Variants in FAM135B observed in about 807,000 individuals in gnomAD.
FAM135B encodes the protein protein FAM135B.
FAM135B carries 43 observed loss-of-function variants against 127.7 expected under a neutral mutation model. The observed-to-expected ratio is 0.34, with a 90% CI of 0.26 to 0.43. The LOEUF is 0.43. Among genes scored for constraint, FAM135B ranks in the 20% least tolerant of loss-of-function variants. The probability of loss-of-function intolerance (pLI) is 1.00; values close to 1 mark genes in which losing one functional copy is unlikely to be tolerated. For synonymous variants in FAM135B, 670 were observed against 665.1 expected (o/e 1.01, Z -0.11); for missense variants, 1,558 against 1,725.6 (o/e 0.90, Z 1.72).
chr8:138,204,146 T>G (rs1817375184), intron 7 of FAM135B, among the ~76,000 whole-genome samples: 1 of 152,226 alleles, frequency 6.6e-6, no homozygotes, highest in Non-Finnish European at 1.5e-5. Flanking sequence ...GTTTGGGGAC[T>G]GCTGCCTTAA....
At chr8:138,266,852 T>C (rs1392530431) in intron 3 of FAM135B, among the ~76,000 whole-genome samples, 1 of 151,902 alleles carries the variant, frequency 6.6e-6, no homozygotes, top group Non-Finnish European at 1.5e-5. Flanking sequence ...AAGTAAATAA[T>C]ACTAATATTT....
intron 3 of FAM135B, among the ~76,000 whole-genome samples, chr8:138,293,540 CAAACAAA>C (rs1825268666): frequency 6.6e-6 from 1 of 151,804 alleles, no homozygotes; most frequent in Non-Finnish European, 1.5e-5. Context: ...ACAAGGAGCT[CAAACAAA>C]TTAGTGAGAA....
At chr8:138,484,372 T>G (rs1013098825) in intron 1 of FAM135B, among the ~76,000 whole-genome samples, 1 of 152,218 alleles carries the variant, frequency 6.6e-6, no homozygotes, top group Non-Finnish European at 1.5e-5. Flanking sequence ...TTTACTTTCA[T>G]GATTTATAGC....
intron 2 of FAM135B, among the ~76,000 whole-genome samples, chr8:138,342,355 T>A (rs1431392952): frequency 6.6e-6 from 1 of 152,178 alleles, no homozygotes; most frequent in Non-Finnish European, 1.5e-5. Context: ...CAGAACCTCC[T>A]CATCTCCCCA....
intron 1 of FAM135B, among the ~76,000 whole-genome samples, chr8:138,369,460 G>C (rs10505703): frequency 0.032 from 4,860 of 152,260 alleles, 154 homozygotes; most frequent in East Asian, 0.17. Context: ...CTGCATCTCA[G>C]CTCAGGCAAA....
chr8:138,182,551 G>T (rs989882982), intron 9 of FAM135B, among the ~76,000 whole-genome samples: 1 of 152,186 alleles, frequency 6.6e-6, no homozygotes, highest in East Asian at 1.9e-4. Context: ...GAGCTCTGGG[G>T]AGCCAAACAT....
intron 2 of FAM135B, among the ~76,000 whole-genome samples, chr8:138,366,051 C>A (rs1054608584): frequency 2.0e-5 from 3 of 152,012 alleles, no homozygotes; most frequent in Admixed American, 2.0e-4. Context: ...GGGGAGAATG[C>A]AGCCCACTTT....
intron 11 of FAM135B, among the ~76,000 whole-genome samples, chr8:138,174,322 G>A (rs990967660): frequency 6.6e-6 from 1 of 152,116 alleles, no homozygotes; most frequent in African/African-American, 2.4e-5. Context: ...TTGGGAGTGC[G>A]CTGCTGCCTT....
At chr8:138,369,124 A>C (rs1830955065) in intron 1 of FAM135B, among the ~76,000 whole-genome samples, 1 of 152,204 alleles carries the variant, frequency 6.6e-6, no homozygotes, top group Non-Finnish European at 1.5e-5. Flanking sequence ...GGATAATGCA[A>C]GATACTGAGT....
intron 1 of FAM135B, among the ~76,000 whole-genome samples, chr8:138,462,420 T>C (rs1282355715): frequency 6.6e-6 from 1 of 152,176 alleles, no homozygotes; most frequent in African/African-American, 2.4e-5. Context: ...CTGCTATGAA[T>C]GAAGTCAACT....
intron 3 of FAM135B, among the ~76,000 whole-genome samples, chr8:138,286,224 G>A (rs2130770978): frequency 6.6e-6 from 1 of 152,290 alleles, no homozygotes; most frequent in African/African-American, 2.4e-5. Flanking sequence ...GGATAGATAC[G>A]AGAACAGACT....
intron 3 of FAM135B, among the ~76,000 whole-genome samples, chr8:138,283,638 C>A (rs1824446996): frequency 6.6e-6 from 1 of 151,928 alleles, no homozygotes; most frequent in Non-Finnish European, 1.5e-5. Context: ...ACCAATGTAA[C>A]AAATGTTCCG....
chr8:138,310,494 A>G (rs754483927), intron 3 of FAM135B, among the ~76,000 whole-genome samples: 32 of 152,006 alleles, frequency 2.1e-4, no homozygotes, highest in Non-Finnish European at 4.1e-4. Context: ...TACCTAGTTG[A>G]TTCCCAGGTT....
At chr8:138,220,707 C>A (rs150176982) in intron 7 of FAM135B, among the ~76,000 whole-genome samples, 13 of 152,120 alleles carry the variant, frequency 8.5e-5, no homozygotes, top group African/African-American at 3.1e-4. Context: ...CACTTCTATA[C>A]CACAAGAACT....
chr8:138,474,561 A>G (rs901199380), intron 1 of FAM135B, among the ~76,000 whole-genome samples: 2 of 152,124 alleles, frequency 1.3e-5, no homozygotes, highest in Admixed American at 1.3e-4. Flanking sequence ...TGAAGTTGTC[A>G]TCCTGAGAAT....
chr8:138,263,688 T>C (rs545983145), intron 4 of FAM135B, among the ~76,000 whole-genome samples: 2 of 152,108 alleles, frequency 1.3e-5, no homozygotes, highest in Admixed American at 6.5e-5. Flanking sequence ...CTGGACATGA[T>C]ATAGAGAGTC....
intron 1 of FAM135B, among the ~76,000 whole-genome samples, chr8:138,466,182 G>A (rs190873815): frequency 6.6e-6 from 1 of 152,194 alleles, no homozygotes; most frequent in Non-Finnish European, 1.5e-5. Flanking sequence ...ACCTGGAAGG[G>A]GCCTGCGGTG....
intron 4 of FAM135B, among the ~76,000 whole-genome samples, chr8:138,257,038 C>A (rs977530661): frequency 6.6e-6 from 1 of 152,074 alleles, no homozygotes; most frequent in Non-Finnish European, 1.5e-5. Flanking sequence ...TTTTGCAGGG[C>A]TTTTGAGAAT....
At chr8:138,159,271 T>C (rs1819107322) in intron 12 of FAM135B, among the ~76,000 whole-genome samples, 1 of 21,378 alleles carries the variant, frequency 4.7e-5, no homozygotes, top group African/African-American at 1.9e-4. Flanking sequence ...AGAGCGAGAC[T>C]CCGTCTCAAA....
Sources: gnomAD v4.1 joint callset for allele counts (sites outside exome capture counted in the v4.1 genomes callset) on GRCh38, gnomAD v4.1.1 for gene constraint, MANE v1.5 for transcripts, NCBI Gene and HGNC (gene_info 2026-07-23, HGNC 2026-07-21) for gene names.